Variants in TIGAR observed in about 807,000 individuals in gnomAD.
TIGAR encodes the protein fructose-2,6-bisphosphatase TIGAR.
In TIGAR, 7 loss-of-function variants were observed where a neutral mutation model predicts 17.9. The ratio of observed to expected loss-of-function variants is 0.39; its 90% confidence interval spans 0.22 to 0.73. The LOEUF (loss-of-function observed/expected upper bound fraction) is 0.73. TIGAR is among the 30% of genes least tolerant of loss of function. The pLI is 0.42. For missense variants in TIGAR, 258 were observed against 327.4 expected (o/e 0.79, Z 1.64); for synonymous variants, 94 against 108.6 (o/e 0.87, Z 0.84).
chr12:4,336,163 G>T (rs2120664858), intron 2 of TIGAR, among the ~76,000 whole-genome samples: 1 of 152,298 alleles, frequency 6.6e-6, no homozygotes, highest in Admixed American at 6.5e-5. Flanking sequence ...AGCCTCTTTT[G>T]AGAATGCTTT....
chr12:4,337,410 T>G (rs112989022), intron 3 of TIGAR, among the ~76,000 whole-genome samples: 2,774 of 152,294 alleles, frequency 0.018, 71 homozygotes, highest in African/African-American at 0.063. Context: ...TCCACTTGCC[T>G]CAGCCTCCCA....
Position 4,321,376 on chromosome 12 carries a change from G to A in TIGAR, c.32+73G>A. ...GTGTTGGAGCGGGTGAAGGGAAAAC[G>A]GGTCCACCACCCTCTCCCCTCCCTG... On this transcript the variant is annotated intron_variant, in intron 1 of 5. Coordinates refer to ENST00000179259, the MANE Select transcript of TIGAR (RefSeq NM_020375.3). The surrounding 1 kb of genome is among the most constrained non-coding windows in gnomAD (Gnocchi z 5.2). 6.3e-7 allele frequency: 1 copy of A among 1,585,678 alleles called. No homozygotes were observed.
At chr12:4,343,276 A>G (rs1215555150) in intron 3 of TIGAR, among the ~76,000 whole-genome samples, 1 of 152,190 alleles carries the variant, frequency 6.6e-6, no homozygotes, top group Non-Finnish European at 1.5e-5. Flanking sequence ...CTCCCACACA[A>G]TAATAATGGG....
In TIGAR at chr12:4,321,995, T is replaced by TTA. The variant is rs1555091380; in HGVS notation, c.32+693_32+694insAT. 6.1e-5 allele frequency among the ~76,000 whole-genome samples: 7 copies of TTA among 114,914 alleles called. No individual in the cohort carries two copies. The highest frequency in any genetic ancestry group is 1.9e-4 in the African/African-American group (6 of 32,350). 75.4% of individuals were successfully genotyped at this position (114,914 alleles called of 152,430 possible). On this transcript the variant is annotated intron_variant, in intron 1 of 5. Coordinates refer to ENST00000179259, the MANE Select transcript of TIGAR (RefSeq NM_020375.3). This position sits in a 1 kb window ranked among gnomAD's most constrained non-coding sequence, Gnocchi z 5.2. ...GTAGTTAAGAGCACAGATTTTTATT[T>TTA]TTATTTTTTTTTTTTTGTGAGATGG...
intron 1 of TIGAR, chr12:4,324,504 G>C (rs776973564): frequency 1.5e-5 from 24 of 1,609,018 alleles, no homozygotes; most frequent in Non-Finnish European, 2.0e-5. Context: ...CCACCTGGTT[G>C]AAGGTCTTGC....
intron 1 of TIGAR, among the ~76,000 whole-genome samples, chr12:4,322,679 C>T (rs1864493683): frequency 6.6e-6 from 1 of 152,076 alleles, no homozygotes; most frequent in African/African-American, 2.4e-5. Flanking sequence ...TTGACTTTAA[C>T]AGCTATCTTT....
intron 2 of TIGAR, among the ~76,000 whole-genome samples, chr12:4,333,530 C>T (rs543555376): frequency 1.3e-5 from 2 of 152,116 alleles, no homozygotes; most frequent in South Asian, 2.1e-4. Flanking sequence ...AGTGCAATGG[C>T]GTGATCTCGG....
Position 4,349,844 on chromosome 12 carries a change from G to A in TIGAR, c.218G>A (p.Ser73Asn). ...ACCATGCATGGAATTTTGGAGAGAA[G>A]CAAATTTTGCAAAGATATGACGGTA... ...KQTMHGILER[S>N]KFCKDMTVKY... is the part of the protein sequence containing the mutation. Residue 73 changes from serine to asparagine, a missense_variant, in exon 4 of 6, where the codon AGC becomes AAC. Ser to Asn is a conservative substitution (Grantham distance 46). Transcript: ENST00000179259. The A allele has an allele frequency of 1.9e-6, 3 of 1,580,424 alleles. No individual in the cohort carries two copies. Among genetic ancestry groups the A allele is most frequent in the Non-Finnish European group, 2.6e-6 (3 of 1,168,648 alleles).
chr12:4,328,633 G>A (rs1293447761), intron 1 of TIGAR, among the ~76,000 whole-genome samples: 24 of 143,662 alleles, frequency 1.7e-4, no homozygotes, highest in African/African-American at 4.4e-4. Context: ...CTGAAGTGCA[G>A]TGGCATGATC....
chr12:4,328,376 G>A (rs1864568999), intron 1 of TIGAR, among the ~76,000 whole-genome samples: 3 of 151,712 alleles, frequency 2.0e-5, no homozygotes, highest in African/African-American at 4.8e-5. Flanking sequence ...ATTTTTAGTA[G>A]ACACAGGATT....
chr12:4,347,891 T>C (rs891626923), intron 3 of TIGAR, among the ~76,000 whole-genome samples: 1 of 152,152 alleles, frequency 6.6e-6, no homozygotes, highest in Non-Finnish European at 1.5e-5. Context: ...ATTGCAGCAC[T>C]TTGGGAGGCC....
chr12:4,353,649 AC>A lies in TIGAR; in HGVS notation c.*959del, dbSNP rs1864862502. ...CAGGAATTCTAGACCAGCCTGGCCA[AC>A]AATGGTGAAACCCTGTCTCTACTAC... is the stretch of plus-strand genomic sequence containing the variant. On this transcript the variant is annotated 3_prime_UTR_variant, in exon 6 of 6. Coordinates refer to ENST00000179259, the MANE Select transcript of TIGAR (RefSeq NM_020375.3). 1 of 152,356 alleles carries A rather than the reference AC, an allele frequency of 6.6e-6. No individual in the cohort carries two copies. The highest frequency in any genetic ancestry group is 2.1e-4 in the South Asian group (1 of 4,834). 9.4% of individuals were successfully genotyped at this position (152,356 alleles called of 1,614,324 possible).
chr12:4,327,780 G>A (rs567821748), intron 1 of TIGAR, among the ~76,000 whole-genome samples: 1 of 152,204 alleles, frequency 6.6e-6, no homozygotes, highest in East Asian at 1.9e-4. Flanking sequence ...CGATTCTTCT[G>A]CCTCAGCCTC....
At chr12:4,332,306 G>A (rs1304857191) in intron 2 of TIGAR, among the ~76,000 whole-genome samples, 3 of 142,658 alleles carry the variant, frequency 2.1e-5, no homozygotes, top group Non-Finnish European at 4.5e-5. Flanking sequence ...GCAGTGGTGC[G>A]AACTCGGCTC....
intron 3 of TIGAR, among the ~76,000 whole-genome samples, chr12:4,337,792 A>G (rs753185747): frequency 1.3e-5 from 2 of 152,206 alleles, no homozygotes; most frequent in Non-Finnish European, 2.9e-5. Flanking sequence ...CTGTAAAGAA[A>G]TAAAAGACTT....
intron 4 of TIGAR, among the ~76,000 whole-genome samples, 160 bp downstream of exon 4, chr12:4,350,056 T>G (rs1422984910): frequency 6.6e-6 from 1 of 152,216 alleles, no homozygotes; most frequent in Non-Finnish European, 1.5e-5. Context: ...CATACCCTCG[T>G]ATATAGGATC....
intron 1 of TIGAR, among the ~76,000 whole-genome samples, chr12:4,329,356 T>C (rs1156491060): frequency 2.5e-5 from 2 of 81,004 alleles, no homozygotes; most frequent in African/African-American, 4.8e-5. Context: ...TTTTTTTTTG[T>C]GAGACAGGGT....
chr12:4,322,526 C>G (rs2120637760), intron 1 of TIGAR, among the ~76,000 whole-genome samples: 1 of 152,286 alleles, frequency 6.6e-6, no homozygotes, highest in South Asian at 2.1e-4. Context: ...GCAGTTGATT[C>G]CCAAATACGA....
rs1864475220 is a variant in TIGAR, at chr12:4,321,375, C to T, written c.32+72C>T. 1 of 1,586,462 alleles carries T rather than the reference C, an allele frequency of 6.3e-7. No homozygotes were observed. The highest frequency in any genetic ancestry group is 1.1e-5 in the South Asian group (1 of 90,554). The stretch of plus-strand genomic sequence containing the variant: ...TGTGTTGGAGCGGGTGAAGGGAAAA[C>T]GGGTCCACCACCCTCTCCCCTCCCT... On this transcript the variant is annotated intron_variant, in intron 1 of 5. Transcript: ENST00000179259. This position sits in a 1 kb window ranked among gnomAD's most constrained non-coding sequence, Gnocchi z 5.2.
Sources: allele counts gnomAD v4.1 joint callset (sites outside exome capture counted in the v4.1 genomes callset), GRCh38; gene constraint gnomAD v4.1.1; non-coding constraint Gnocchi (gnomAD v3.1); transcripts MANE v1.5; gene names NCBI Gene and HGNC (gene_info 2026-07-23, HGNC 2026-07-21).